Variants in ZNF566 observed in about 807,000 individuals in gnomAD.
ZNF566 encodes zinc finger protein 566.
In ZNF566, 27 loss-of-function variants were observed where a neutral mutation model predicts 32.8. The ratio of observed to expected loss-of-function variants is 0.82; its 90% CI spans 0.61 to 1.14. ZNF566 has a LOEUF of 1.14. Ranked by LOEUF, ZNF566 falls within the 50% of genes most tolerant of loss-of-function variation. ZNF566 has a pLI of 0.00. For synonymous variants in ZNF566, 154 were observed against 159.5 expected (o/e 0.97, Z 0.26); for missense variants, 402 against 490.4 (o/e 0.82, Z 1.70).
At chr19:36,463,529 T>C (rs1226293781) in intron 4 of ZNF566, among the ~76,000 whole-genome samples, 1 of 150,466 alleles carries the variant, frequency 6.6e-6, no homozygotes, top group East Asian at 1.9e-4. Context: ...ACAAATTCAA[T>C]GTAATTTCTT....
chr19:36,469,476 G>A (rs2033709089), intron 4 of ZNF566, among the ~76,000 whole-genome samples: 3 of 151,764 alleles, frequency 2.0e-5, no homozygotes, highest in African/African-American at 7.3e-5. Context: ...GGAGGTGGAG[G>A]TTGCAGTGAG....
chr19:36,453,504 TAAATTAATTAATTAAAA>T (rs903879042), intron 4 of ZNF566, among the ~76,000 whole-genome samples: 1 of 77,822 alleles, frequency 1.3e-5, no homozygotes, highest in South Asian at 5.5e-4. Flanking sequence ...AATAAATAAA[TAAATTAATTAATTAAAA>T]TAAAATAAAA....
At chr19:36,488,888 G>C (rs767167421) in intron 1 of ZNF566, among the ~76,000 whole-genome samples, 29 of 152,070 alleles carry the variant, frequency 1.9e-4, no homozygotes, top group Non-Finnish European at 3.2e-4. Context: ...ACACAAACCT[G>C]ATCACACTCC....
At position 36,449,737 on chromosome 19, in the gene ZNF566, C is replaced by T. The variant is rs2033097716; in HGVS notation, c.497G>A (p.Ser166Asn). The T allele has an allele frequency of 6.2e-7, 1 of 1,613,990 alleles. No homozygotes were observed. The highest frequency in any genetic ancestry group is 1.3e-5 in the African/African-American group (1 of 74,920). ...TTTAGATGCACAGAATTTCTTTTTA[C>T]TGTTAATGATTTGCTGTAATGTGAA... The part of the protein sequence containing the change: ...PSFTLQQIIN[S>N]KKKFCASKEY... The change falls in exon 5 of 5, where the codon AGT (serine) becomes AAT (asparagine). Residue 166 changes from serine to asparagine, a missense_variant. Physicochemically the swap from Ser to Asn is conservative, Grantham distance 46. Transcript: ENST00000452939.
At chr19:36,480,860 T>C (rs1297104340) in intron 1 of ZNF566, among the ~76,000 whole-genome samples, 1 of 151,226 alleles carries the variant, frequency 6.6e-6, no homozygotes, top group African/African-American at 2.4e-5. Context: ...GCCAACATGT[T>C]GAAATGCTGT....
intron 4 of ZNF566, among the ~76,000 whole-genome samples, chr19:36,458,594 T>C (rs2033379103): frequency 6.6e-6 from 1 of 152,204 alleles, no homozygotes; most frequent in Non-Finnish European, 1.5e-5. Context: ...TATATATTAA[T>C]AGTATGTACT....
At chr19:36,477,501 T>C in intron 1 of ZNF566, among the ~76,000 whole-genome samples, 1 of 151,454 alleles carries the variant, frequency 6.6e-6, no homozygotes, top group Non-Finnish European at 1.5e-5. Context: ...TGGATATACC[T>C]GGGTCAAACC....
In ZNF566 at chr19:36,472,994, G is replaced by C; in HGVS notation, c.149C>G (p.Ser50Cys). 3 of 1,613,030 alleles carry C rather than the reference G, an allele frequency of 1.9e-6. 1 individual carries two copies. The South Asian group carries it at 3.3e-5, about 18-fold the overall frequency. ...SNLVSMGHSI[S>C]KPNVISYLEQ... The stretch of plus-strand genomic sequence containing the variant: ...CAAGTAGGAGATCACATTTGGTTTA[G>C]AAATAGAATGCCCTGCTTACAAAAG... The change falls in exon 4 of 5, where the codon TCT becomes TGT. Residue 50 changes from serine to cysteine, a missense_variant. Physicochemically the swap from Ser to Cys is moderately radical, Grantham distance 112. Around this residue, in one of 3 missense-constraint regions of ZNF566, gnomAD observed 220 missense variants for 241.9 expected, o/e 0.91. Transcript: ENST00000452939.
intron 2 of ZNF566, 86 bp downstream of exon 2, chr19:36,476,463 A>G: frequency 7.7e-7 from 1 of 1,305,472 alleles, no homozygotes; most frequent in Non-Finnish European, 1.1e-6. Context: ...TCTAACATCA[A>G]AAAGCATCAT....
intron 4 of ZNF566, among the ~76,000 whole-genome samples, chr19:36,469,265 G>A (rs539270523): frequency 1.3e-5 from 2 of 151,988 alleles, no homozygotes; most frequent in Non-Finnish European, 2.9e-5. Context: ...GTGGTGGGAC[G>A]CGGTGGCTTA....
At chr19:36,458,806 C>T (rs546567783) in intron 4 of ZNF566, among the ~76,000 whole-genome samples, 2 of 152,178 alleles carry the variant, frequency 1.3e-5, no homozygotes, top group African/African-American at 4.8e-5. Flanking sequence ...AATCATTTCA[C>T]AATGTATACA....
intron 4 of ZNF566, among the ~76,000 whole-genome samples, chr19:36,461,453 C>T (rs1007948810): frequency 6.6e-6 from 1 of 152,122 alleles, no homozygotes; most frequent in Admixed American, 6.6e-5. Context: ...GGTGGATCAC[C>T]TGAGGTCAAG....
chr19:36,458,768 T>C (rs2033383995), intron 4 of ZNF566, among the ~76,000 whole-genome samples: 2 of 152,260 alleles, frequency 1.3e-5, no homozygotes, highest in African/African-American at 4.8e-5. Flanking sequence ...TGTGATGTGA[T>C]AGATACATTA....
intron 4 of ZNF566, among the ~76,000 whole-genome samples, chr19:36,453,404 C>T (rs1415691267): frequency 6.7e-6 from 1 of 149,420 alleles, no homozygotes; most frequent in Admixed American, 6.7e-5. Context: ...ACCCAGGAGG[C>T]AGAGGTTGCA....
At chr19:36,453,196 G>A (rs2033206943) in intron 4 of ZNF566, among the ~76,000 whole-genome samples, 1 of 151,534 alleles carries the variant, frequency 6.6e-6, no homozygotes, top group South Asian at 2.1e-4. Flanking sequence ...TAAACTGGCG[G>A]GGCGCTGGTG....
intron 1 of ZNF566, among the ~76,000 whole-genome samples, chr19:36,485,897 T>C (rs1200146685): frequency 6.6e-6 from 1 of 151,280 alleles, no homozygotes; most frequent in Non-Finnish European, 1.5e-5. Flanking sequence ...CTGCTAAAAA[T>C]ACAAAAATTA....
intron 1 of ZNF566, among the ~76,000 whole-genome samples, chr19:36,481,476 A>G (rs1310894288): frequency 4.3e-5 from 3 of 69,292 alleles, no homozygotes; most frequent in African/African-American, 1.6e-4. Context: ...GTCTCGGGAA[A>G]AAAAAAAAAA....
rs2033872301 is a variant in ZNF566, at chr19:36,475,908, G to T, written c.9+641C>A. On this transcript the variant is annotated intron_variant, in intron 2 of 4. Transcript: ENST00000452939. ...AAAGAAAGAAATAAGTATTCTTGAT[G>T]AAACTGATAGGGGATTTTCTGATGG... is the stretch of plus-strand genomic sequence containing the variant. 2.0e-5 allele frequency among the ~76,000 whole-genome samples: 3 copies of T among 152,258 alleles called. No homozygotes were observed. The South Asian group carries it at 6.2e-4, about 32-fold the overall frequency.
chr19:36,484,646 G>A (rs2034113200), intron 1 of ZNF566, among the ~76,000 whole-genome samples: 1 of 139,824 alleles, frequency 7.2e-6, no homozygotes, highest in Admixed American at 7.7e-5. Context: ...CTGGGGTGCA[G>A]TGGCGCGATC....
Sources: allele counts gnomAD v4.1 joint callset (sites outside exome capture counted in the v4.1 genomes callset), GRCh38; gene constraint gnomAD v4.1.1; regional missense constraint gnomAD v4.1.1; transcripts MANE v1.5; gene names NCBI Gene and HGNC (gene_info 2026-07-23, HGNC 2026-07-21).